The following QRICH1 variants were observed in gnomAD, a reference collection of about 807,000 sequenced individuals.
The protein encoded by QRICH1 is glutamine rich 1, also known as transcriptional regulator QRICH1.
A neutral mutation model predicts 87.1 loss-of-function variants in QRICH1; 16 were observed. The observed-to-expected ratio is 0.18, with a 90% CI of 0.12 to 0.28. The LOEUF is 0.28. Ranked by LOEUF, QRICH1 falls within the 10% of genes least tolerant of loss-of-function variation. QRICH1 has a pLI of 1.00. For synonymous variants in QRICH1, 367 were observed against 368.4 expected (o/e 1.00, Z 0.05); for missense variants, 647 against 951.7 (o/e 0.68, Z 4.21).
chr3:49,084,938 C>T (rs1000706809), intron 1 of QRICH1, among the ~76,000 whole-genome samples: 7 of 151,942 alleles, frequency 4.6e-5, no homozygotes, highest in African/African-American at 1.5e-4. Flanking sequence ...ATCAGGAGAT[C>T]GAGACCATCC....
At chr3:49,032,519 C>A in intron 8 of QRICH1, 103 bp downstream of exon 8, 1 of 1,408,130 alleles carries the variant, frequency 7.1e-7, no homozygotes, top group Non-Finnish European at 9.6e-7. Flanking sequence ...TTTTATCCAG[C>A]AAATCCCAAC....
At chr3:49,059,431 T>C (rs2093422202) in intron 2 of QRICH1, among the ~76,000 whole-genome samples, 1 of 151,248 alleles carries the variant, frequency 6.6e-6, no homozygotes, top group South Asian at 2.1e-4. Context: ...TAATTTTTTT[T>C]TTTTTTTTTT....
intron 6 of QRICH1, among the ~76,000 whole-genome samples, chr3:49,040,906 T>C (rs2093306071): frequency 6.6e-6 from 1 of 152,216 alleles, no homozygotes; most frequent in East Asian, 1.9e-4. Flanking sequence ...TTTCTGCCAT[T>C]CTAATAAATG....
chr3:49,081,429 A>AG (rs1213107878), intron 1 of QRICH1, among the ~76,000 whole-genome samples: 1 of 152,036 alleles, frequency 6.6e-6, no homozygotes, highest in African/African-American at 2.4e-5. Context: ...AAAAAAAAAA[A>AG]AAAAAATTTC....
At position 49,069,083 on chromosome 3, in the gene QRICH1, TTTA is replaced by T. The variant is rs201912574; in HGVS notation, c.309+7623_309+7625del. ...AGGCAAAAAAGCCTCAAGTAGAAAA[TTTA>T]TTATTATTATTATTATTATTATTTT... is the stretch of plus-strand genomic sequence containing the variant. On this transcript the variant is annotated intron_variant, in intron 2 of 9. Transcript: ENST00000395443. Among the ~76,000 whole-genome samples, 95 of 139,380 alleles carry T rather than the reference TTTA, an allele frequency of 6.8e-4. 1 individual carries two copies. The highest frequency in any genetic ancestry group is 9.0e-4 in the Non-Finnish European group (59 of 65,818). 91.4% of individuals were successfully genotyped at this position (139,380 alleles called of 152,430 possible). A position where few individuals can be genotyped will look rare whatever the true frequency, so the allele number is the denominator to read the frequency against.
In QRICH1 at chr3:49,092,682, A is replaced by G. The variant is rs141467219; in HGVS notation, c.-22+1230T>C. 3.4e-3 allele frequency among the ~76,000 whole-genome samples: 518 copies of G among 152,128 alleles called. 5 individuals are homozygous for G. Among genetic ancestry groups the G allele is most frequent in the African/African-American group, 0.012 (488 of 41,444 alleles). On this transcript the variant is annotated intron_variant, in intron 1 of 9. Transcript: ENST00000395443. The stretch of plus-strand genomic sequence containing the variant: ...TTTGTATTAGAAAAAAGAGGTGCCT[A>G]TTTCTCTAGAACAAACCTAGAACTT...
intron 6 of QRICH1, among the ~76,000 whole-genome samples, chr3:49,042,697 C>G (rs979318148): frequency 1.6e-4 from 25 of 151,940 alleles, no homozygotes; most frequent in Non-Finnish European, 3.2e-4. Flanking sequence ...CTCAGCCTCC[C>G]GTGTAGCTGG....
At chr3:49,093,867 A>G in intron 1 of QRICH1, 45 bp downstream of exon 1, 1 of 265,032 alleles carries the variant, frequency 3.8e-6, no homozygotes, top group Non-Finnish European at 6.5e-6. Context: ...CCCCCGTCTC[A>G]GGCCTACAGC....
chr3:49,049,407 T>C (rs902765173), intron 3 of QRICH1, among the ~76,000 whole-genome samples: 70 of 151,816 alleles, frequency 4.6e-4, no homozygotes, highest in Non-Finnish European at 5.0e-4. Context: ...ACAGTGCCAC[T>C]GCACTCCAGC....
intron 1 of QRICH1, among the ~76,000 whole-genome samples, chr3:49,078,694 C>CTTTTT (rs57367580): frequency 1.7e-3 from 130 of 78,776 alleles, no homozygotes; most frequent in Non-Finnish European, 2.1e-3. Context: ...CACACCTGTC[C>CTTTTT]TTTTTTTTTT....
At chr3:49,069,103 TATTA>T (rs1207058152) in intron 2 of QRICH1, among the ~76,000 whole-genome samples, 58 of 79,618 alleles carry the variant, frequency 7.3e-4, no homozygotes, top group South Asian at 2.2e-3. Context: ...TTATTATTAT[TATTA>T]TTTTTTTTTT....
intron 3 of QRICH1, 120 bp downstream of exon 3, chr3:49,056,742 A>C: frequency 6.8e-7 from 1 of 1,479,020 alleles, no homozygotes; most frequent in Non-Finnish European, 9.2e-7. Context: ...CCAAATACTA[A>C]ATACTGCATC....
intron 9 of QRICH1, among the ~76,000 whole-genome samples, chr3:49,031,361 C>T (rs1184951681): frequency 6.6e-6 from 1 of 152,116 alleles, no homozygotes; most frequent in African/African-American, 2.4e-5. Flanking sequence ...CCCCCTCCCC[C>T]GAACTGTGCT....
At chr3:49,032,971 G>T in intron 7 of QRICH1, 149 bp downstream of exon 7, 1 of 912,684 alleles carries the variant, frequency 1.1e-6, no homozygotes, top group Non-Finnish European at 1.6e-6. Context: ...TGCCTCACTG[G>T]TTACCAAATA....
At position 49,089,611 on chromosome 3, in the gene QRICH1, T is replaced by C. The variant is rs191265162; in HGVS notation, c.-22+4301A>G. Among the ~76,000 whole-genome samples the C allele has an allele frequency of 6.6e-5, 10 of 152,338 alleles. 1 individual carries two copies. In the East Asian group the frequency reaches 1.7e-3, roughly 26 times the overall value. ...ACCCAGATATCTATCAATAGTGGAA[T>C]AGATAAATACCTTATGGTGTATTCA... is the stretch of plus-strand genomic sequence containing the variant. On this transcript the variant is annotated intron_variant, in intron 1 of 9. Transcript: ENST00000395443.
chr3:49,058,662 CTT>C lies in QRICH1; in HGVS notation c.310-774_310-773del, dbSNP rs377691495. On this transcript the variant is annotated intron_variant, in intron 2 of 9. Transcript: ENST00000395443. Reference sequence around the variant, plus strand: ...ATTTTCTTTGAGGCGGAGTTTTGCTCTTGTTGCCCAGGCTGGAGTGCAGTGGC... The same window carrying C: ...ATTTTCTTTGAGGCGGAGTTTTGCTCGTTGCCCAGGCTGGAGTGCAGTGGC... Among the ~76,000 whole-genome samples, 1,148 of 149,558 alleles carry C rather than the reference CTT, an allele frequency of 7.7e-3. 10 individuals are homozygous for C. The highest frequency in any genetic ancestry group is 0.027 in the African/African-American group (1,094 of 40,692).
chr3:49,062,688 C>T (rs1422114271), intron 2 of QRICH1, among the ~76,000 whole-genome samples: 3 of 150,218 alleles, frequency 2.0e-5, no homozygotes, highest in Non-Finnish European at 4.4e-5. Context: ...TAACTTATAT[C>T]TCAATAAAGC....
At chr3:49,078,292 T>C (rs923789243) in intron 1 of QRICH1, among the ~76,000 whole-genome samples, 1 of 151,936 alleles carries the variant, frequency 6.6e-6, no homozygotes, top group Non-Finnish European at 1.5e-5. Flanking sequence ...CAAGACTATG[T>C]CCTGGTTCTC....
At chr3:49,040,587 A>G (rs1397422473) in intron 6 of QRICH1, among the ~76,000 whole-genome samples, 1 of 152,254 alleles carries the variant, frequency 6.6e-6, no homozygotes, top group African/African-American at 2.4e-5. Context: ...CTGGGCACAT[A>G]GTAGGCACTC....
Sources: allele counts gnomAD v4.1 joint callset (sites outside exome capture counted in the v4.1 genomes callset), GRCh38; gene constraint gnomAD v4.1.1; transcripts MANE v1.5; gene names NCBI Gene and HGNC (gene_info 2026-07-23, HGNC 2026-07-21).